KIRREL3: variants seen among roughly 807,000 people sequenced by gnomAD.
KIRREL3 encodes kirre like nephrin family adhesion molecule 3, also known as kin of IRRE-like protein 3.
A neutral mutation model predicts 89.7 loss-of-function variants in KIRREL3; 36 were observed. That is an observed-to-expected ratio of 0.40 (90% CI 0.31 to 0.53). The LOEUF (loss-of-function observed/expected upper bound fraction) is 0.53. Ranked by LOEUF, KIRREL3 falls within the 20% of genes least tolerant of loss-of-function variation. KIRREL3 has a pLI of 0.49. For missense variants in KIRREL3, 864 were observed against 1,056.6 expected (o/e 0.82, Z 2.53); for synonymous variants, 445 against 441.4 (o/e 1.01, Z -0.10).
intron 1 of KIRREL3, among the ~76,000 whole-genome samples, chr11:126,762,978 G>A (rs1436199743): frequency 2.0e-5 from 3 of 152,164 alleles, no homozygotes; most frequent in Non-Finnish European, 4.4e-5. Context: ...GCTGACAGCT[G>A]TGGGGCTGCA....
intron 1 of KIRREL3, among the ~76,000 whole-genome samples, chr11:126,602,384 C>A (rs1237013605): frequency 4.6e-5 from 7 of 152,290 alleles, no homozygotes; most frequent in Non-Finnish European, 1.0e-4. Context: ...TCCACCTGGG[C>A]CCCAGAAGCC....
intron 1 of KIRREL3, among the ~76,000 whole-genome samples, chr11:126,854,156 G>GTGTGTGTA (rs1452070891): frequency 6.7e-6 from 1 of 149,390 alleles, no homozygotes; most frequent in Non-Finnish European, 1.5e-5. Context: ...GTGTGTGTGT[G>GTGTGTGTA]TGTATGTGGT....
intron 1 of KIRREL3, among the ~76,000 whole-genome samples, chr11:126,573,106 C>A (rs1172631461): frequency 6.6e-6 from 1 of 152,152 alleles, no homozygotes; most frequent in Non-Finnish European, 1.5e-5. Flanking sequence ...AATGCCCCCT[C>A]CACATTCTGG....
In KIRREL3 at chr11:126,491,159, T is replaced by C. The variant is rs1263378748; in HGVS notation, c.434-17693A>G. Among the ~76,000 whole-genome samples, 5 of 152,140 alleles carry C rather than the reference T, an allele frequency of 3.3e-5. No homozygotes were observed. The highest frequency in any genetic ancestry group is 9.7e-5 in the African/African-American group (4 of 41,418). On this transcript the variant is annotated intron_variant, in intron 4 of 16. Coordinates refer to ENST00000525144, the MANE Select transcript of KIRREL3 (RefSeq NM_032531.4). The surrounding 1 kb of genome is among the most constrained non-coding windows in gnomAD (Gnocchi z 5.5). ...GCCACCACTTTCTACCTGCGTGGAC[T>C]CTGGCGAGTTGCACCTCCCCGGGCG...
intron 1 of KIRREL3, among the ~76,000 whole-genome samples, chr11:126,646,315 G>GT (rs5795510): frequency 1 from 152,242 of 152,242 alleles, 76,121 homozygotes; most frequent in Non-Finnish European, 1. Context: ...TTTTGTTCTT[G>GT]TTAGTGCCTT....
rs563643352 is a variant in KIRREL3 at position 126,555,168 on chromosome 11, G to A, written c.133+7667C>T. ...GGACACTGCTGTGGGGCCGCACAGA[G>A]CCTGCTTCTGCCAGAGATGAGTGAC... On this transcript the variant is annotated intron_variant, in intron 2 of 16. Transcript: ENST00000525144. This position sits in a 1 kb window ranked among gnomAD's most constrained non-coding sequence, Gnocchi z 4.2. 3.3e-5 allele frequency among the ~76,000 whole-genome samples: 5 copies of A among 152,274 alleles called. No homozygotes were observed. Among genetic ancestry groups the A allele is most frequent in the African/African-American group, 1.2e-4 (5 of 41,560 alleles).
chr11:126,448,879 C>T, intron 8 of KIRREL3, 130 bp downstream of exon 8: 4 of 964,530 alleles, frequency 4.1e-6, no homozygotes, highest in South Asian at 2.7e-5. Context: ...TCGTCGAGTG[C>T]AAACCATCCT....
intron 1 of KIRREL3, among the ~76,000 whole-genome samples, chr11:126,712,499 T>C (rs1234782967): frequency 6.6e-6 from 1 of 152,186 alleles, no homozygotes; most frequent in Non-Finnish European, 1.5e-5. Flanking sequence ...CTGGTCAATG[T>C]TGGGTTGCCC....
chr11:126,793,961 T>C (rs1013549873), intron 1 of KIRREL3, among the ~76,000 whole-genome samples: 3 of 152,206 alleles, frequency 2.0e-5, no homozygotes, highest in Non-Finnish European at 4.4e-5. Flanking sequence ...CCTGAAAGGG[T>C]GCATTTCTAA....
At position 126,647,488 on chromosome 11, in the gene KIRREL3, C is replaced by T. The variant is rs1445071722; in HGVS notation, c.56-84576G>A. ...TATTTGAATACTTCATTTATGCATACGTTTACTCCTTTCATTCAGCAAACG... is the reference window on the plus strand; with the variant it reads ...TATTTGAATACTTCATTTATGCATATGTTTACTCCTTTCATTCAGCAAACG... On this transcript the variant is annotated intron_variant, in intron 1 of 16. Transcript: ENST00000525144. This position sits in a 1 kb window ranked among gnomAD's most constrained non-coding sequence, Gnocchi z 4.9. 1.3e-5 allele frequency among the ~76,000 whole-genome samples: 2 copies of T among 152,188 alleles called. No homozygotes were observed. Among genetic ancestry groups the T allele is most frequent in the South Asian group, 2.1e-4 (1 of 4,820 alleles).
intron 2 of KIRREL3, among the ~76,000 whole-genome samples, chr11:126,545,613 A>C (rs1356741588): frequency 1.3e-5 from 2 of 150,316 alleles, no homozygotes; most frequent in Non-Finnish European, 3.0e-5. Flanking sequence ...AATTTTTAAA[A>C]ATAAAATAAA....
intron 1 of KIRREL3, among the ~76,000 whole-genome samples, chr11:126,869,616 G>A (rs1945042372): frequency 6.6e-6 from 1 of 152,142 alleles, no homozygotes; most frequent in Non-Finnish European, 1.5e-5. Flanking sequence ...ACCCAGCCCT[G>A]TCATGTTGTC....
At chr11:126,944,730 C>T (rs1165702227) in intron 1 of KIRREL3, among the ~76,000 whole-genome samples, 2 of 152,158 alleles carry the variant, frequency 1.3e-5, no homozygotes, top group African/African-American at 4.8e-5. Flanking sequence ...ACCAGCCTTC[C>T]CCAGCTCCTC....
rs1353952204 is a variant in KIRREL3, at chr11:126,788,830, C to T, written c.55+211625G>A. Among the ~76,000 whole-genome samples the T allele has an allele frequency of 2.0e-5, 3 of 152,152 alleles. No individual in the cohort carries two copies. Among genetic ancestry groups the T allele is most frequent in the South Asian group, 2.1e-4 (1 of 4,816 alleles). On this transcript the variant is annotated intron_variant, in intron 1 of 16. Transcript: ENST00000525144. The surrounding 1 kb of genome is among the most constrained non-coding windows in gnomAD (Gnocchi z 4.1). ...AAGGAGAGAGAAATAATAGACTCTT[C>T]GGTAGATTTCAGTTCCCAAATCATG...
rs904222596 is a variant in KIRREL3 at position 126,879,815 on chromosome 11, T to C, written c.55+120640A>G. 9.2e-5 allele frequency among the ~76,000 whole-genome samples: 14 copies of C among 152,232 alleles called. No individual in the cohort carries two copies. The highest frequency in any genetic ancestry group is 3.4e-4 in the African/African-American group (14 of 41,458). ...AGGAGCTCAACTGGTCTTATGACCC[T>C]GAACCTTCTGTCTCCAGAGACAAAC... On this transcript the variant is annotated intron_variant, in intron 1 of 16. Coordinates refer to ENST00000525144, the MANE Select transcript of KIRREL3 (RefSeq NM_032531.4). This position sits in a 1 kb window ranked among gnomAD's most constrained non-coding sequence, Gnocchi z 5.4.
intron 4 of KIRREL3, among the ~76,000 whole-genome samples, chr11:126,510,900 C>G (rs1007192622): frequency 6.6e-6 from 1 of 152,218 alleles, no homozygotes; most frequent in Non-Finnish European, 1.5e-5. Flanking sequence ...TCCTCTTCAT[C>G]TACTCCCATC....
At chr11:126,599,043 C>T (rs1465983948) in intron 1 of KIRREL3, among the ~76,000 whole-genome samples, 1 of 152,196 alleles carries the variant, frequency 6.6e-6, no homozygotes, top group Admixed American at 6.5e-5. Context: ...TTGTGGGCTC[C>T]CATTTTCTAG....
At chr11:126,450,716 TGCATGTGTGAATGTGG>T (rs796093922) in intron 7 of KIRREL3, among the ~76,000 whole-genome samples, 11,650 of 149,946 alleles carry the variant, frequency 0.078, 1,522 homozygotes, top group African/African-American at 0.27. Flanking sequence ...TGCGAGTTTG[TGCATGTGTGAATGTGG>T]GCATGTGTGA....
rs201495772 is a variant in KIRREL3, at chr11:126,716,748, T to TGGG, written c.56-153839_56-153837dup. On this transcript the variant is annotated intron_variant, in intron 1 of 16. Coordinates refer to ENST00000525144, the MANE Select transcript of KIRREL3 (RefSeq NM_032531.4). Reference sequence around the variant, plus strand: ...AGTGTGAGTGTGAGTGTGTGTGTGTTGGGGGGGGGGGGAAGTGTGGGGGAG... The same window carrying TGGG: ...AGTGTGAGTGTGAGTGTGTGTGTGTTGGGGGGGGGGGGGGGAAGTGTGGGGGAG... 5.6e-3 allele frequency among the ~76,000 whole-genome samples: 29 copies of TGGG among 5,172 alleles called. No homozygotes were observed. The South Asian group carries it at 0.12, about 21-fold the overall frequency. The allele number at this position is 5,172 out of a possible 152,430, so 3.4% of individuals were successfully genotyped here.
Sources: allele counts gnomAD v4.1 joint callset (sites outside exome capture counted in the v4.1 genomes callset), GRCh38; gene constraint gnomAD v4.1.1; non-coding constraint Gnocchi (gnomAD v3.1); transcripts MANE v1.5; gene names NCBI Gene and HGNC (gene_info 2026-07-23, HGNC 2026-07-21).